Variants in TRDMT1 observed in about 807,000 individuals in gnomAD.
The protein encoded by TRDMT1 is tRNA (cytosine(38)-C(5))-methyltransferase.
Under a neutral mutation model 51.2 loss-of-function variants are expected in TRDMT1, and 49 were observed. The ratio of observed to expected loss-of-function variants is 0.96; its 90% CI spans 0.76 to 1.21. The LOEUF (loss-of-function observed/expected upper bound fraction) is 1.21. Among genes scored for constraint, TRDMT1 ranks in the 50% most tolerant of loss-of-function variants. The pLI is 0.00. For missense variants in TRDMT1, 534 were observed against 462.3 expected (o/e 1.16, Z -1.42); for synonymous variants, 187 against 164.6 (o/e 1.14, Z -1.04).
intron 3 of TRDMT1, among the ~76,000 whole-genome samples, chr10:17,163,255 T>C (rs1225926553): frequency 6.6e-6 from 1 of 152,066 alleles, no homozygotes; most frequent in Non-Finnish European, 1.5e-5. Flanking sequence ...TGACCAAAGA[T>C]AAGGCAGAAA....
intron 1 of TRDMT1, among the ~76,000 whole-genome samples, chr10:17,185,074 C>G (rs1288884065): frequency 6.6e-6 from 1 of 152,092 alleles, no homozygotes; most frequent in Non-Finnish European, 1.5e-5. Context: ...AAAGTACCCG[C>G]ACCATAGAAT....
chr10:17,165,504 C>G (rs1381289747), intron 3 of TRDMT1, among the ~76,000 whole-genome samples: 3 of 152,092 alleles, frequency 2.0e-5, no homozygotes, highest in African/African-American at 7.2e-5. Flanking sequence ...GCAACAAAAG[C>G]CAAAATTGAC....
chr10:17,159,264 A>G, intron 6 of TRDMT1, 35 bp from the exon 7 acceptor site: 1 of 1,507,208 alleles, frequency 6.6e-7, no homozygotes, highest in South Asian at 1.2e-5. Context: ...TTACTCTAAA[A>G]AATTAAAGAG....
In TRDMT1 at chr10:17,148,903, A is replaced by G; in HGVS notation, c.*137T>C. ...ATGAAACACATGGATTTTTTTAATA[A>G]AATCCAAATTTCTTAATAAGGACAG... On this transcript the variant is annotated 3_prime_UTR_variant, in exon 11 of 11. Transcript: ENST00000377799. 1 of 1,295,028 alleles carries G rather than the reference A, an allele frequency of 7.7e-7. No individual in the cohort carries two copies. The highest frequency in any genetic ancestry group is 9.9e-7 in the Non-Finnish European group (1 of 1,008,432). 80.2% of individuals were successfully genotyped at this position (1,295,028 alleles called of 1,614,324 possible).
rs958600812 is a variant in TRDMT1, at chr10:17,147,830, A to T, written c.*1210T>A. 1.8e-4 allele frequency: 40 copies of T among 225,596 alleles called. No homozygotes were observed. Among genetic ancestry groups the T allele is most frequent in the Non-Finnish European group, 1.5e-4 (20 of 135,382 alleles). The allele number at this position is 225,596 out of a possible 1,614,324, so 14.0% of individuals were successfully genotyped here. A position where few individuals can be genotyped will look rare whatever the true frequency, so the allele number is the denominator to read the frequency against. On this transcript the variant is annotated 3_prime_UTR_variant, in exon 11 of 11. Coordinates refer to ENST00000377799, the MANE Select transcript of TRDMT1 (RefSeq NM_004412.7). ...TTTCAATTCTTTTGGATCTATAGCC[A>T]GAGGTGGAATCGCTGAATCATAGGG...
chr10:17,150,815 T>A, intron 10 of TRDMT1: 4 of 983,962 alleles, frequency 4.1e-6, no homozygotes, highest in Non-Finnish European at 4.8e-6. Flanking sequence ...CTAAAGATAA[T>A]ATCTTAGGTA....
intron 1 of TRDMT1, among the ~76,000 whole-genome samples, chr10:17,179,349 A>G (rs974438429): frequency 1.3e-5 from 2 of 152,160 alleles, no homozygotes; most frequent in African/African-American, 2.4e-5. Flanking sequence ...GAAAGGCCAC[A>G]TAGCCCAGCA....
chr10:17,146,928 A>T lies in TRDMT1; in HGVS notation c.*2112T>A. 3 of 985,440 alleles carry T rather than the reference A, an allele frequency of 3.0e-6. No homozygotes were observed. Among genetic ancestry groups the T allele is most frequent in the Non-Finnish European group, 3.6e-6 (3 of 829,934 alleles). The allele number at this position is 985,440 out of a possible 1,614,324, so 61.0% of individuals were successfully genotyped here. ...TGCTTGTTACTGCATATTTTCAATTATGAATTAAGGGCAAGAATCACCGTC... is the reference window on the plus strand; with the variant it reads ...TGCTTGTTACTGCATATTTTCAATTTTGAATTAAGGGCAAGAATCACCGTC... On this transcript the variant is annotated 3_prime_UTR_variant, in exon 11 of 11. Coordinates refer to ENST00000377799, the MANE Select transcript of TRDMT1 (RefSeq NM_004412.7).
chr10:17,151,627 T>G, intron 10 of TRDMT1: 1 of 982,720 alleles, frequency 1.0e-6, no homozygotes, highest in Non-Finnish European at 1.2e-6. Context: ...TTTCAAAGGC[T>G]GTTTTTCTAA....
At chr10:17,155,361 G>A (rs1035553129) in intron 8 of TRDMT1, among the ~76,000 whole-genome samples, 3 of 152,118 alleles carry the variant, frequency 2.0e-5, no homozygotes, top group African/African-American at 7.2e-5. Flanking sequence ...TGGAAAGGAT[G>A]CACTTTATAT....
intron 10 of TRDMT1, among the ~76,000 whole-genome samples, chr10:17,149,369 C>G (rs1342792873): frequency 6.6e-6 from 1 of 152,134 alleles, no homozygotes; most frequent in Non-Finnish European, 1.5e-5. Context: ...GCTCAGCACA[C>G]ACACATGTAC....
At chr10:17,184,444 A>G (rs550029548) in intron 1 of TRDMT1, among the ~76,000 whole-genome samples, 1 of 151,106 alleles carries the variant, frequency 6.6e-6, no homozygotes, top group South Asian at 2.1e-4. Flanking sequence ...AACATATAGT[A>G]TAATATATAT....
At chr10:17,188,373 T>A (rs1021081127) in intron 1 of TRDMT1, among the ~76,000 whole-genome samples, 1 of 152,190 alleles carries the variant, frequency 6.6e-6, no homozygotes, top group African/African-American at 2.4e-5. Flanking sequence ...TTATTCATGC[T>A]CTGCAAAATA....
intron 1 of TRDMT1, 93 bp downstream of exon 1, chr10:17,201,478 C>G: frequency 7.4e-7 from 1 of 1,358,506 alleles, no homozygotes; most frequent in Non-Finnish European, 1.0e-6. Flanking sequence ...AGTGTCCGCC[C>G]CTTGCGTCTC....
chr10:17,182,631 G>A (rs1303827248), intron 1 of TRDMT1, among the ~76,000 whole-genome samples: 3 of 152,136 alleles, frequency 2.0e-5, no homozygotes, highest in African/African-American at 7.2e-5. Flanking sequence ...TTTGGGGAGT[G>A]AAGACTTCCT....
At position 17,141,571 on chromosome 10, in the gene TRDMT1, G is replaced by T. The variant is rs753663256; in HGVS notation, c.*7469C>A. ...CTTCTGGCACCCCAAACATATAAAT[G>T]TTGGTTCTTCTGTTATTGTCCCACA... On this transcript the variant is annotated 3_prime_UTR_variant, in exon 11 of 11. Coordinates refer to ENST00000377799, the MANE Select transcript of TRDMT1 (RefSeq NM_004412.7). Among the ~76,000 whole-genome samples the T allele has an allele frequency of 6.6e-6, 1 of 152,002 alleles. No homozygotes were observed. The highest frequency in any genetic ancestry group is 1.5e-5 in the Non-Finnish European group (1 of 67,992).
chr10:17,188,083 CTG>C (rs1195955607), intron 1 of TRDMT1, among the ~76,000 whole-genome samples: 9 of 149,248 alleles, frequency 6.0e-5, no homozygotes, highest in Middle Eastern at 3.2e-3. Flanking sequence ...AAAACAAACT[CTG>C]TTTTTTGAAC....
At position 17,143,019 on chromosome 10, in the gene TRDMT1, CA is replaced by C. The variant is rs564354483; in HGVS notation, c.*6020del. 8.1e-6 allele frequency: 8 copies of C among 985,408 alleles called. No homozygotes were observed. In the South Asian group the frequency reaches 3.3e-4, roughly 41 times the overall value. 61.0% of individuals were successfully genotyped at this position (985,408 alleles called of 1,614,324 possible). On this transcript the variant is annotated 3_prime_UTR_variant, in exon 11 of 11. Coordinates refer to ENST00000377799, the MANE Select transcript of TRDMT1 (RefSeq NM_004412.7). ...AAAAAGTTTTATTTGCGCTACTTTC[CA>C]AAAGCCAAAAGCCTATCCCAGAATT...
chr10:17,190,190 CTGGT>C (rs1243583645), intron 1 of TRDMT1, among the ~76,000 whole-genome samples: 1 of 152,076 alleles, frequency 6.6e-6, no homozygotes, highest in Non-Finnish European at 1.5e-5. Context: ...AAGAGGAGAG[CTGGT>C]TGGCACTATT....
Sources: allele counts gnomAD v4.1 joint callset (sites outside exome capture counted in the v4.1 genomes callset), GRCh38; gene constraint gnomAD v4.1.1; transcripts MANE v1.5; gene names NCBI Gene and HGNC (gene_info 2026-07-23, HGNC 2026-07-21).